The following GRK5 variants were observed in gnomAD, a reference collection of about 807,000 sequenced individuals.
GRK5 encodes g protein-coupled receptor kinase GRK5.
GRK5 carries 40 observed loss-of-function variants against 78.4 expected under a neutral mutation model. That is an observed-to-expected ratio of 0.51 (90% CI 0.40 to 0.66). The LOEUF (loss-of-function observed/expected upper bound fraction) is 0.66, where lower values mean the gene tolerates loss of function less well. Ranked by LOEUF, GRK5 falls within the 30% of genes least tolerant of loss-of-function variation. The pLI is 0.00. For missense variants in GRK5, 598 were observed against 759.9 expected (o/e 0.79, Z 2.50); for synonymous variants, 289 against 296.8 (o/e 0.97, Z 0.27).
rs190459347 is a variant in GRK5, at chr10:119,397,451, G to A, written c.339+679G>A. Among the ~76,000 whole-genome samples the A allele has an allele frequency of 1.0e-3, 152 of 152,280 alleles. 1 individual carries two copies. The highest frequency in any genetic ancestry group is 3.5e-3 in the African/African-American group (147 of 41,558). On this transcript the variant is annotated intron_variant, in intron 4 of 15. Transcript: ENST00000392870. ...CTTGGTCAAGCCACATTCCCTCCCT[G>A]GGCCTCTGTTTCCCTTTCTTAAAAG...
intron 1 of GRK5, among the ~76,000 whole-genome samples, chr10:119,274,484 A>ACAT (rs1849635698): frequency 6.6e-6 from 1 of 152,182 alleles, no homozygotes; most frequent in Non-Finnish European, 1.5e-5. Context: ...GTGACCAACC[A>ACAT]GTGAACTCTG....
chr10:119,397,031 C>T (rs1351027278), intron 4 of GRK5, among the ~76,000 whole-genome samples: 1 of 152,250 alleles, frequency 6.6e-6, no homozygotes, highest in East Asian at 1.9e-4. Context: ...TCAAGGGTCA[C>T]CATGCTGCTG....
chr10:119,383,110 A>C (rs976605435), intron 3 of GRK5, among the ~76,000 whole-genome samples: 4 of 152,070 alleles, frequency 2.6e-5, no homozygotes, highest in African/African-American at 7.2e-5. Flanking sequence ...TTTAGTAGAG[A>C]TGGGGTCTCA....
intron 1 of GRK5, among the ~76,000 whole-genome samples, chr10:119,216,810 G>A (rs1163519313): frequency 6.6e-6 from 1 of 152,006 alleles, no homozygotes; most frequent in East Asian, 1.9e-4. Context: ...AAATTACCTG[G>A]ATGTGGTGGT....
At chr10:119,448,285 G>A in intron 13 of GRK5, 25 bp downstream of exon 13, 1 of 1,575,284 alleles carries the variant, frequency 6.3e-7, no homozygotes, top group Non-Finnish European at 8.6e-7. Flanking sequence ...CCAGCCCCCA[G>A]CAGCTCCCTT....
At chr10:119,326,652 C>A in intron 2 of GRK5, 41 bp downstream of exon 2, 1 of 1,484,174 alleles carries the variant, frequency 6.7e-7, no homozygotes, top group Non-Finnish European at 9.4e-7. Context: ...GAGTGAGTAG[C>A]AGGTGATCCG....
At chr10:119,272,816 T>C (rs1228657269) in intron 1 of GRK5, among the ~76,000 whole-genome samples, 1 of 152,088 alleles carries the variant, frequency 6.6e-6, no homozygotes, top group Non-Finnish European at 1.5e-5. Flanking sequence ...GCCTGACCTG[T>C]CAGATATTCA....
intron 2 of GRK5, among the ~76,000 whole-genome samples, chr10:119,354,578 T>G (rs1851238558): frequency 6.6e-6 from 1 of 152,140 alleles, no homozygotes; most frequent in African/African-American, 2.4e-5. Context: ...ATTTTTGTAT[T>G]TTTTGTAGAG....
intron 1 of GRK5, among the ~76,000 whole-genome samples, chr10:119,239,688 C>A (rs1363467580): frequency 2.0e-5 from 3 of 152,078 alleles, no homozygotes; most frequent in Admixed American, 6.5e-5. Context: ...CCTAGCCCCC[C>A]ACCCCCTAAT....
At chr10:119,234,520 T>C (rs1023688177) in intron 1 of GRK5, among the ~76,000 whole-genome samples, 1 of 152,212 alleles carries the variant, frequency 6.6e-6, no homozygotes, top group Non-Finnish European at 1.5e-5. Context: ...ATTTGGGGGT[T>C]ACTTTTTTCA....
intron 4 of GRK5, among the ~76,000 whole-genome samples, chr10:119,421,835 T>G (rs1852575424): frequency 6.6e-6 from 1 of 151,558 alleles, no homozygotes; most frequent in African/African-American, 2.4e-5. Flanking sequence ...AGAAAAGAAA[T>G]AAAGAAGGAA....
At chr10:119,246,150 A>C (rs1277358468) in intron 1 of GRK5, among the ~76,000 whole-genome samples, 1 of 152,016 alleles carries the variant, frequency 6.6e-6, no homozygotes, top group Non-Finnish European at 1.5e-5. Context: ...CATTGGTTCC[A>C]GGTCCCCCCT....
chr10:119,347,880 G>A (rs1451607283), intron 2 of GRK5, among the ~76,000 whole-genome samples: 1 of 152,228 alleles, frequency 6.6e-6, no homozygotes, highest in Non-Finnish European at 1.5e-5. Context: ...AGCCTCACCT[G>A]CCATGGTTGC....
At chr10:119,283,544 G>A (rs1849797815) in intron 1 of GRK5, among the ~76,000 whole-genome samples, 6 of 152,340 alleles carry the variant, frequency 3.9e-5, no homozygotes, top group South Asian at 4.1e-4. Context: ...GCCCGTGCCC[G>A]GGCTCTGTAT....
intron 4 of GRK5, among the ~76,000 whole-genome samples, chr10:119,403,154 T>A (rs1468306775): frequency 6.6e-6 from 1 of 152,192 alleles, no homozygotes; most frequent in African/African-American, 2.4e-5. Context: ...ATATAATATG[T>A]GGCCATCTGT....
chr10:119,411,073 G>GA (rs1852328982), intron 4 of GRK5, among the ~76,000 whole-genome samples: 1 of 151,782 alleles, frequency 6.6e-6, no homozygotes, highest in African/African-American at 2.4e-5. Context: ...CCCAGCTGAA[G>GA]AAGCTTTCCG....
At chr10:119,401,803 G>A (rs780566615) in intron 4 of GRK5, among the ~76,000 whole-genome samples, 23 of 152,162 alleles carry the variant, frequency 1.5e-4, no homozygotes, top group Middle Eastern at 3.2e-3. Flanking sequence ...GGGTCGGGAG[G>A]GCCTCCAGCT....
chr10:119,407,792 G>C (rs2133866121), intron 4 of GRK5, among the ~76,000 whole-genome samples: 1 of 152,294 alleles, frequency 6.6e-6, no homozygotes, highest in East Asian at 1.9e-4. Flanking sequence ...GGGAGGCCAA[G>C]GCAGGAGGAT....
At chr10:119,242,651 G>A (rs943897816) in intron 1 of GRK5, among the ~76,000 whole-genome samples, 2 of 151,766 alleles carry the variant, frequency 1.3e-5, no homozygotes, top group African/African-American at 4.8e-5. Context: ...GGACAAGTTG[G>A]AGGAAATTGA....
Sources: gnomAD v4.1 joint callset for allele counts (sites outside exome capture counted in the v4.1 genomes callset) on GRCh38, gnomAD v4.1.1 for gene constraint, MANE v1.5 for transcripts, NCBI Gene and HGNC (gene_info 2026-07-23, HGNC 2026-07-21) for gene names.